POU2AF2: variants seen among roughly 807,000 people sequenced by gnomAD.
The protein encoded by POU2AF2 is POU class 2 homeobox associating factor 2.
At chr11:111,247,189 C>CAGAGAGAGAGAGAGAGAGAGAG in the POU2AF2 span, among the ~76,000 whole-genome samples, 14 of 34,410 alleles carry the variant, frequency 4.1e-4, no homozygotes, top group South Asian at 3.1e-3. Context: ...CATACACACA[C>CAGAGAGAGAGAGAGAGAGAGAG]ACAGAGAGAG....
At chr11:111,280,546 A>G in the POU2AF2 span, among the ~76,000 whole-genome samples, 1 of 151,930 alleles carries the variant, frequency 6.6e-6, no homozygotes, top group Admixed American at 6.6e-5. Flanking sequence ...CTTGAATCTT[A>G]CCTTTGTCCA....
the POU2AF2 span, among the ~76,000 whole-genome samples, chr11:111,252,865 A>G: frequency 6.6e-6 from 1 of 152,094 alleles, no homozygotes; most frequent in Admixed American, 6.5e-5. Flanking sequence ...TCAAACTTCA[A>G]GAAGAAATAG....
chr11:111,278,681 T>C, the POU2AF2 span, among the ~76,000 whole-genome samples: 1 of 152,188 alleles, frequency 6.6e-6, no homozygotes, highest in African/African-American at 2.4e-5. Flanking sequence ...ACTTCCAGTC[T>C]CCTGAACTGT....
chr11:111,280,040 C>CAA, the POU2AF2 span, among the ~76,000 whole-genome samples: 17 of 72,570 alleles, frequency 2.3e-4, no homozygotes, highest in African/African-American at 7.6e-4. Context: ...GACTCCATCT[C>CAA]AAAAAAAAAA....
chr11:111,268,484 TTTATTTTATTTTATTTTATTTTA>T, the POU2AF2 span, among the ~76,000 whole-genome samples: 1 of 44,728 alleles, frequency 2.2e-5, no homozygotes, highest in Admixed American at 2.0e-4. Flanking sequence ...CTTTTTTTAT[TTTATTTTATTTTATTTTATTTTA>T]TTTTATTTTA....
chr11:111,280,057 A>AAATCTATATATATATAT, the POU2AF2 span, among the ~76,000 whole-genome samples: 1 of 76,498 alleles, frequency 1.3e-5, no homozygotes, highest in African/African-American at 5.0e-5. Context: ...AAAAAAAAAA[A>AAATCTATATATATATAT]ATATATATAT....
chr11:111,284,405 G>C, the POU2AF2 span: 21 of 1,555,234 alleles, frequency 1.4e-5, no homozygotes, highest in East Asian at 1.4e-4. Context: ...TCGTGTGAGG[G>C]AGTAAAAGAG....
chr11:111,276,453 AATATATATAT>A, the POU2AF2 span, among the ~76,000 whole-genome samples: 11 of 37,676 alleles, frequency 2.9e-4, no homozygotes, highest in South Asian at 3.3e-3. Flanking sequence ...AAAAAAAAAA[AATATATATAT>A]ATATATATAT....
At chr11:111,278,248 T>A in the POU2AF2 span, among the ~76,000 whole-genome samples, 4 of 152,216 alleles carry the variant, frequency 2.6e-5, no homozygotes, top group African/African-American at 9.6e-5. Flanking sequence ...ATCCCACAGC[T>A]AATAAGAGGT....
the POU2AF2 span, among the ~76,000 whole-genome samples, chr11:111,279,290 G>A: frequency 1.3e-5 from 2 of 152,118 alleles, no homozygotes; most frequent in Admixed American, 1.3e-4. Context: ...ATACTACACC[G>A]AATATTCTGT....
chr11:111,283,976 C>T, the POU2AF2 span: 5 of 1,063,084 alleles, frequency 4.7e-6, no homozygotes, highest in South Asian at 1.5e-5. Context: ...GTCAGGCACG[C>T]GTTAGTAACA....
the POU2AF2 span, chr11:111,245,957 G>A: frequency 2.5e-6 from 1 of 396,258 alleles, no homozygotes; most frequent in Non-Finnish European, 4.5e-6. Context: ...AAAGGTTAAG[G>A]AGAAATCTCC....
chr11:111,261,112 G>A, the POU2AF2 span, among the ~76,000 whole-genome samples: 1 of 152,254 alleles, frequency 6.6e-6, no homozygotes, highest in South Asian at 2.1e-4. Context: ...ACAATTCTGT[G>A]GTTTCACAAC....
the POU2AF2 span, among the ~76,000 whole-genome samples, chr11:111,255,679 T>A: frequency 2.6e-5 from 4 of 152,334 alleles, no homozygotes; most frequent in South Asian, 6.2e-4. Flanking sequence ...GATTAAAGCA[T>A]AATTTGTAAA....
the POU2AF2 span, among the ~76,000 whole-genome samples, chr11:111,266,697 C>T: frequency 1.3e-5 from 2 of 152,144 alleles, no homozygotes; most frequent in Non-Finnish European, 2.9e-5. Flanking sequence ...AGGAAATTTA[C>T]AAATAATTTC....
the POU2AF2 span, among the ~76,000 whole-genome samples, chr11:111,270,466 GA>G: frequency 3.3e-5 from 5 of 152,074 alleles, no homozygotes; most frequent in Non-Finnish European, 7.3e-5. Context: ...AAAACCAGAT[GA>G]ACTCTTTCTT....
the POU2AF2 span, among the ~76,000 whole-genome samples, chr11:111,279,700 T>G: frequency 6.6e-6 from 1 of 152,164 alleles, no homozygotes. Context: ...TAGTTACATC[T>G]TTAACAGCCC....
At chr11:111,282,342 C>T in the POU2AF2 span, among the ~76,000 whole-genome samples, 2 of 152,164 alleles carry the variant, frequency 1.3e-5, no homozygotes, top group Non-Finnish European at 2.9e-5. Flanking sequence ...TATTAAGGTT[C>T]AGCTGCACAG....
chr11:111,284,300 G>C, the POU2AF2 span: 1 of 1,613,340 alleles, frequency 6.2e-7, no homozygotes. Flanking sequence ...GCCCAACGCG[G>C]GCTCTCTGTT....
Sources: gnomAD v4.1 joint callset for allele counts (sites outside exome capture counted in the v4.1 genomes callset) on GRCh38, gnomAD v4.1.1 for gene constraint, MANE v1.5 for transcripts, NCBI Gene and HGNC (gene_info 2026-07-23, HGNC 2026-07-21) for gene names.